The following GRXCR1 variants were observed in gnomAD, a reference collection of about 807,000 sequenced individuals.
GRXCR1 encodes the protein glutaredoxin domain-containing cysteine-rich protein 1.
Under a neutral mutation model 27.3 loss-of-function variants are expected in GRXCR1, and 27 were observed. The ratio of observed to expected loss-of-function variants is 0.99; its 90% CI spans 0.73 to 1.37. The LOEUF (loss-of-function observed/expected upper bound fraction) is 1.37. GRXCR1 is among the 40% of genes most tolerant of loss of function. The pLI, the probability that GRXCR1 is intolerant of heterozygous loss-of-function variation, is 0.00. For missense variants in GRXCR1, 379 were observed against 354.4 expected, an observed-to-expected ratio of 1.07 and a Z score of -0.56; for synonymous variants, 122 against 131.1, an observed-to-expected ratio of 0.93 and a Z score of 0.47.
intron 2 of GRXCR1, among the ~76,000 whole-genome samples, chr4:42,998,338 C>A (rs192331060): frequency 6.6e-6 from 1 of 152,310 alleles, no homozygotes; most frequent in East Asian, 1.9e-4. Context: ...AAAGAATACA[C>A]CAAAACTTCT....
chr4:42,912,897 G>T (rs1226038965), intron 1 of GRXCR1, among the ~76,000 whole-genome samples: 1 of 152,076 alleles, frequency 6.6e-6, no homozygotes. Flanking sequence ...TTCCCCTCTA[G>T]TGTCTCATGA....
At chr4:42,924,343 C>T (rs1372176370) in intron 1 of GRXCR1, among the ~76,000 whole-genome samples, 1 of 151,966 alleles carries the variant, frequency 6.6e-6, no homozygotes, top group Non-Finnish European at 1.5e-5. Context: ...GTGTGTAAGG[C>T]ACCTGGAATG....
At chr4:42,905,110 C>T (rs544284503) in intron 1 of GRXCR1, among the ~76,000 whole-genome samples, 113 of 152,302 alleles carry the variant, frequency 7.4e-4, no homozygotes, top group South Asian at 5.0e-3. Context: ...TGTTGTCTTG[C>T]GGCCAATTCC....
At chr4:42,952,977 C>A (rs146460438) in intron 1 of GRXCR1, among the ~76,000 whole-genome samples, 14 of 152,246 alleles carry the variant, frequency 9.2e-5, no homozygotes, top group South Asian at 4.1e-4. Context: ...AGAATTTGAG[C>A]GGTCCTACGT....
At chr4:42,922,007 C>CT (rs1401870184) in intron 1 of GRXCR1, among the ~76,000 whole-genome samples, 1 of 152,134 alleles carries the variant, frequency 6.6e-6, no homozygotes, top group Non-Finnish European at 1.5e-5. Flanking sequence ...AGATTTCTCT[C>CT]TGTTGCCTGC....
chr4:42,992,302 A>G (rs201620147), intron 2 of GRXCR1, among the ~76,000 whole-genome samples: 1 of 152,168 alleles, frequency 6.6e-6, no homozygotes, highest in East Asian at 1.9e-4. Flanking sequence ...ATGGTTGACA[A>G]TTCGTAGGAG....
chr4:42,898,453 G>A (rs894484993), intron 1 of GRXCR1, among the ~76,000 whole-genome samples: 1 of 151,892 alleles, frequency 6.6e-6, no homozygotes, highest in Middle Eastern at 3.4e-3. Flanking sequence ...CTCAGGATGG[G>A]TAGTGTTAAC....
At chr4:42,934,432 CTTCTT>C (rs1348850401) in intron 1 of GRXCR1, among the ~76,000 whole-genome samples, 3 of 151,730 alleles carry the variant, frequency 2.0e-5, no homozygotes, top group Admixed American at 6.6e-5. Context: ...GTTTCTCTCT[CTTCTT>C]TTATGCTTGA....
intron 3 of GRXCR1, among the ~76,000 whole-genome samples, chr4:43,028,368 C>T (rs114433149): frequency 6.7e-4 from 102 of 152,200 alleles, no homozygotes; most frequent in African/African-American, 2.3e-3. Context: ...TTTAACTGAG[C>T]GTCCTGTATT....
chr4:42,901,066 T>G (rs541507713), intron 1 of GRXCR1, among the ~76,000 whole-genome samples: 3 of 152,222 alleles, frequency 2.0e-5, no homozygotes, highest in African/African-American at 7.2e-5. Flanking sequence ...CTGTCCCAAG[T>G]AAATATCCCC....
intron 1 of GRXCR1, among the ~76,000 whole-genome samples, chr4:42,912,410 A>C (rs1746743110): frequency 6.6e-6 from 1 of 152,182 alleles, no homozygotes; most frequent in South Asian, 2.1e-4. Context: ...ATACATTTGG[A>C]AATGTTCAAA....
intron 1 of GRXCR1, among the ~76,000 whole-genome samples, chr4:42,955,129 C>A (rs756444033): frequency 3.3e-5 from 5 of 152,050 alleles, no homozygotes; most frequent in Non-Finnish European, 7.4e-5. Context: ...TGGCCCACTG[C>A]CTGATAATCA....
chr4:42,997,877 C>T (rs539004951), intron 2 of GRXCR1, among the ~76,000 whole-genome samples: 29 of 152,274 alleles, frequency 1.9e-4, no homozygotes, highest in African/African-American at 6.7e-4. Flanking sequence ...CATGGCATGG[C>T]GTGCCTCCTC....
chr4:43,022,908 A>G (rs757919107), intron 3 of GRXCR1, among the ~76,000 whole-genome samples: 2 of 152,232 alleles, frequency 1.3e-5, no homozygotes, highest in African/African-American at 4.8e-5. Flanking sequence ...CAACTCTGCT[A>G]AATGAGTTCT....
At chr4:42,909,403 AC>A (rs903476510) in intron 1 of GRXCR1, among the ~76,000 whole-genome samples, 1 of 152,218 alleles carries the variant, frequency 6.6e-6, no homozygotes, top group Non-Finnish European at 1.5e-5. Context: ...AAGTGGGGAT[AC>A]TAGAAAGTTT....
chr4:42,975,067 G>T (rs548444616), intron 2 of GRXCR1, among the ~76,000 whole-genome samples: 1 of 152,164 alleles, frequency 6.6e-6, no homozygotes, highest in South Asian at 2.1e-4. Flanking sequence ...GACTCCTATG[G>T]CCAAGGGACT....
chr4:42,981,518 C>T (rs1198921845), intron 2 of GRXCR1, among the ~76,000 whole-genome samples: 1 of 152,156 alleles, frequency 6.6e-6, no homozygotes, highest in Non-Finnish European at 1.5e-5. Flanking sequence ...TTCATGTATA[C>T]TTTTACCAGT....
chr4:43,028,948 G>A (rs960999910), intron 3 of GRXCR1, among the ~76,000 whole-genome samples: 1 of 152,072 alleles, frequency 6.6e-6, no homozygotes, highest in Admixed American at 6.5e-5. Context: ...CATTAGAAAC[G>A]AGATATTATA....
At chr4:42,919,448 G>C (rs1403108232) in intron 1 of GRXCR1, among the ~76,000 whole-genome samples, 1 of 152,152 alleles carries the variant, frequency 6.6e-6, no homozygotes, top group Non-Finnish European at 1.5e-5. Context: ...TTTTAAAAGT[G>C]TGCCATTCAC....
Sources: allele counts gnomAD v4.1 joint callset (sites outside exome capture counted in the v4.1 genomes callset), GRCh38; gene constraint gnomAD v4.1.1; transcripts MANE v1.5; gene names NCBI Gene and HGNC (gene_info 2026-07-23, HGNC 2026-07-21).